Variants in PEX13 observed in about 807,000 individuals in gnomAD.
PEX13 encodes peroxisome biogenesis factor 13.
In PEX13, 28 loss-of-function variants were observed where a neutral mutation model predicts 34.5. The ratio of observed to expected loss-of-function variants is 0.81; its 90% CI spans 0.60 to 1.11. PEX13 has a LOEUF of 1.11. PEX13 is among the 50% of genes most tolerant of loss of function. PEX13 has a pLI of 0.00. For missense variants in PEX13, 550 were observed against 491.0 expected (o/e 1.12, Z -1.13); for synonymous variants, 177 against 175.1 (o/e 1.01, Z -0.09).
In PEX13 at chr2:61,048,497, G is replaced by T. The variant is rs1428782325; in HGVS notation, c.939G>T (p.Trp313Cys). 1 of 1,614,018 alleles carries T rather than the reference G, an allele frequency of 6.2e-7. No individual in the cohort carries two copies. Among genetic ancestry groups the T allele is most frequent in the South Asian group, 1.1e-5 (1 of 91,068 alleles). The change falls in exon 4 of 4, where the codon TGG (tryptophan) becomes TGT (cysteine). Residue 313 changes from tryptophan (W) to cysteine (C), a missense_variant. Transcript: ENST00000295030. ...LKEQQPKVRG[W>C]LLASLDGQTT... ...AACAACAACCCAAAGTGCGTGGTTG[G>T]CTTCTGGCTAGCCTTGATGGCCAAA...
intron 2 of PEX13, among the ~76,000 whole-genome samples, chr2:61,042,013 G>T (rs1227769872): frequency 1.3e-5 from 2 of 152,202 alleles, no homozygotes; most frequent in East Asian, 1.9e-4. Flanking sequence ...TAGAGCAGGG[G>T]TTGGCAAACC....
rs1680753092 is a variant in PEX13 at position 61,048,877 on chromosome 2, T to A, written c.*107T>A. On this transcript the variant is annotated 3_prime_UTR_variant, in exon 4 of 4. Coordinates refer to ENST00000295030, the MANE Select transcript of PEX13 (RefSeq NM_002618.4). Reference sequence around the variant, plus strand: ...TCCAATGAAAACATTTGTTATTGGCTATTTCAGGTGTTTTGCTGCTAGAAA... The same window carrying A: ...TCCAATGAAAACATTTGTTATTGGCAATTTCAGGTGTTTTGCTGCTAGAAA... 1 of 959,676 alleles carries A rather than the reference T, an allele frequency of 1.0e-6. No homozygotes were observed. Among genetic ancestry groups the A allele is most frequent in the Non-Finnish European group, 1.6e-6 (1 of 619,838 alleles). 59.4% of individuals were successfully genotyped at this position (959,676 alleles called of 1,614,324 possible). A position where few individuals can be genotyped will look rare whatever the true frequency, so the allele number is the denominator to read the frequency against.
At position 61,050,578 on chromosome 2, in the gene PEX13, GA is replaced by G; in HGVS notation, c.*1812del. 6.6e-6 allele frequency: 1 copy of G among 152,292 alleles called. No individual in the cohort carries two copies. The highest frequency in any genetic ancestry group is 1.9e-4 in the East Asian group (1 of 5,320). The allele number at this position is 152,292 out of a possible 1,614,324, so 9.4% of individuals were successfully genotyped here. On this transcript the variant is annotated 3_prime_UTR_variant, in exon 4 of 4. Transcript: ENST00000295030. The stretch of plus-strand genomic sequence containing the variant: ...TAAGAATACATTTATAGATATTGTT[GA>G]AAACTTTGAACTGTTTGATAAAAAT...
In PEX13 at chr2:61,048,866, T is replaced by G; in HGVS notation, c.*96T>G. The G allele has an allele frequency of 9.5e-7, 1 of 1,049,294 alleles. No homozygotes were observed. The highest frequency in any genetic ancestry group is 1.4e-5 in the South Asian group (1 of 73,348). The allele number at this position is 1,049,294 out of a possible 1,614,324, so 65.0% of individuals were successfully genotyped here. A position where few individuals can be genotyped will look rare whatever the true frequency, so the allele number is the denominator to read the frequency against. ...TGAATGTACAATCCAATGAAAACATTTGTTATTGGCTATTTCAGGTGTTTT... is the reference window on the plus strand; with the variant it reads ...TGAATGTACAATCCAATGAAAACATGTGTTATTGGCTATTTCAGGTGTTTT... On this transcript the variant is annotated 3_prime_UTR_variant, in exon 4 of 4. Coordinates refer to ENST00000295030, the MANE Select transcript of PEX13 (RefSeq NM_002618.4).
intron 1 of PEX13, 122 bp from the exon 2 acceptor site, chr2:61,031,297 C>A: frequency 1.3e-6 from 1 of 773,492 alleles, no homozygotes; most frequent in South Asian, 1.5e-5. Flanking sequence ...GTCTCTAAAT[C>A]AATTAATCAG....
At chr2:61,021,529 G>C (rs1271228926) in intron 1 of PEX13, among the ~76,000 whole-genome samples, 1 of 152,226 alleles carries the variant, frequency 6.6e-6, no homozygotes, top group African/African-American at 2.4e-5. Flanking sequence ...GCTTGAACTG[G>C]GAGGAGCCCA....
chr2:61,035,798 A>G (rs909039113), intron 2 of PEX13, among the ~76,000 whole-genome samples: 1 of 152,178 alleles, frequency 6.6e-6, no homozygotes, highest in Non-Finnish European at 1.5e-5. Flanking sequence ...AGCCTGACCA[A>G]CATGGAGAAA....
At chr2:61,038,454 C>T (rs972745732) in intron 2 of PEX13, among the ~76,000 whole-genome samples, 6 of 152,232 alleles carry the variant, frequency 3.9e-5, no homozygotes, top group African/African-American at 9.6e-5. Flanking sequence ...GTTCAACATT[C>T]GCAAATCAAT....
At chr2:61,048,335 GA>G (rs779550282) in intron 3 of PEX13, 136 bp from the exon 4 acceptor site, 11 of 714,526 alleles carry the variant, frequency 1.5e-5, no homozygotes, top group Middle Eastern at 3.5e-4. Flanking sequence ...ATTTGATTTT[GA>G]ATATATATGC....
chr2:61,026,898 T>C (rs10496090), intron 1 of PEX13, among the ~76,000 whole-genome samples: 18,113 of 152,116 alleles, frequency 0.12, 1,443 homozygotes, highest in Non-Finnish European at 0.17. Context: ...GATGGTCATT[T>C]TGAGTAGTAA....
At chr2:61,018,702 TTTTA>T (rs1211705018) in intron 1 of PEX13, 1 of 154,388 alleles carries the variant, frequency 6.5e-6, no homozygotes, top group South Asian at 2.0e-4. Context: ...TTCTGAAATC[TTTTA>T]TTTAAACACT....
At chr2:61,026,727 G>C (rs1174135305) in intron 1 of PEX13, among the ~76,000 whole-genome samples, 1 of 152,058 alleles carries the variant, frequency 6.6e-6, no homozygotes, top group Non-Finnish European at 1.5e-5. Context: ...TTATTTCACA[G>C]ATATTATTTC....
intron 2 of PEX13, among the ~76,000 whole-genome samples, chr2:61,042,782 C>T (rs1162804391): frequency 1.3e-5 from 2 of 152,150 alleles, no homozygotes; most frequent in Non-Finnish European, 2.9e-5. Context: ...AAAAATATGT[C>T]CAGAGAAAGT....
At chr2:61,031,295 A>G in intron 1 of PEX13, 124 bp from the exon 2 acceptor site, 1 of 769,276 alleles carries the variant, frequency 1.3e-6, no homozygotes, top group East Asian at 2.7e-5. Context: ...CTGTCTCTAA[A>G]TCAATTAATC....
chr2:61,028,839 T>A (rs750853733), intron 1 of PEX13, among the ~76,000 whole-genome samples: 13 of 152,228 alleles, frequency 8.5e-5, no homozygotes, highest in African/African-American at 1.7e-4. Context: ...TTCAAAAAAA[T>A]TTTTAAAGAT....
Position 61,017,842 on chromosome 2 carries a change from C to G in PEX13, c.83C>G (p.Pro28Arg). ...GCCGGACCGGGACCAGGACCGGGCC[C>G]CACTTTCCAGTGAGTGTGGGATTCT... ...PGAGPGPGPGPTFQSADLGPT... is the reference protein window; with the variant it reads ...PGAGPGPGPGRTFQSADLGPT... The change falls in exon 1 of 4, where the codon CCC (proline) becomes CGC (arginine). Residue 28 changes from proline to arginine, a missense_variant. Coordinates refer to ENST00000295030, the MANE Select transcript of PEX13 (RefSeq NM_002618.4). 3 of 1,550,472 alleles carry G rather than the reference C, an allele frequency of 1.9e-6. No homozygotes were observed. Among genetic ancestry groups the G allele is most frequent in the Non-Finnish European group, 2.6e-6 (3 of 1,146,766 alleles).
chr2:61,025,243 TAG>T (rs1680332847), intron 1 of PEX13, among the ~76,000 whole-genome samples: 1 of 151,920 alleles, frequency 6.6e-6, no homozygotes, highest in Non-Finnish European at 1.5e-5. Context: ...TAATTTTTTA[TAG>T]TTTTTAATAG....
chr2:61,049,722 C>T lies in PEX13; in HGVS notation c.*952C>T, dbSNP rs56739127. 44,363 of 152,082 alleles carry T rather than the reference C, an allele frequency of 0.29. 6,818 individuals are homozygous for T. Among genetic ancestry groups the T allele is most frequent in the East Asian group, 0.44 (2,249 of 5,166 alleles). The allele number at this position is 152,082 out of a possible 1,614,324, so 9.4% of individuals were successfully genotyped here. ...CCAGGAGGCGGAGGTTACGCTGAGC[C>T]GGAGATCTCGCCATTGCACTTCAGC... On this transcript the variant is annotated 3_prime_UTR_variant, in exon 4 of 4. Transcript: ENST00000295030.
intron 2 of PEX13, among the ~76,000 whole-genome samples, chr2:61,032,981 A>C (rs1028686074): frequency 6.6e-5 from 10 of 152,214 alleles, no homozygotes; most frequent in Non-Finnish European, 1.3e-4. Context: ...GAAGCTCTTA[A>C]TTGGCATTAT....
Sources: allele counts gnomAD v4.1 joint callset (sites outside exome capture counted in the v4.1 genomes callset), GRCh38; gene constraint gnomAD v4.1.1; transcripts MANE v1.5; gene names NCBI Gene and HGNC (gene_info 2026-07-23, HGNC 2026-07-21).